The following ZDHHC21 variants were observed in gnomAD, a reference collection of about 807,000 sequenced individuals.
ZDHHC21 encodes zDHHC palmitoyltransferase 21, also known as palmitoyltransferase ZDHHC21.
In ZDHHC21, 15 loss-of-function variants were observed where a neutral mutation model predicts 34.6. The ratio of observed to expected loss-of-function variants is 0.43; its 90% CI spans 0.29 to 0.67. The LOEUF (loss-of-function observed/expected upper bound fraction) is 0.67. ZDHHC21 is among the 30% of genes least tolerant of loss of function. ZDHHC21 has a pLI of 0.14. For missense variants in ZDHHC21, 344 were observed against 327.7 expected (o/e 1.05, Z -0.38); for synonymous variants, 142 against 101.8 (o/e 1.40, Z -2.38).
At chr9:14,601,501 T>C in the ZDHHC21 span, among the ~76,000 whole-genome samples, 1 of 152,136 alleles carries the variant, frequency 6.6e-6, no homozygotes, top group African/African-American at 2.4e-5. Flanking sequence ...AAACAACAGA[T>C]GCTGGAGAGG....
At chr9:14,664,316 C>T (rs1336600387) in intron 5 of ZDHHC21, among the ~76,000 whole-genome samples, 2 of 152,232 alleles carry the variant, frequency 1.3e-5, no homozygotes, top group African/African-American at 2.4e-5. Context: ...TAAGAAACGG[C>T]GCACCACGAG....
chr9:14,623,016 A>C (rs1242535453), intron 8 of ZDHHC21, among the ~76,000 whole-genome samples: 1 of 152,088 alleles, frequency 6.6e-6, no homozygotes, highest in African/African-American at 2.4e-5. Context: ...CTATACACAC[A>C]ATCTACTCAA....
the ZDHHC21 span, among the ~76,000 whole-genome samples, chr9:14,600,327 T>C: frequency 2.0e-5 from 3 of 152,112 alleles, no homozygotes; most frequent in African/African-American, 7.2e-5. Context: ...ACAAAATCAA[T>C]GCGCAAAAGT....
At chr9:14,637,059 G>A (rs1157581837) in intron 8 of ZDHHC21, among the ~76,000 whole-genome samples, 2 of 151,828 alleles carry the variant, frequency 1.3e-5, no homozygotes, top group Non-Finnish European at 2.9e-5. Context: ...AAGACCAGAT[G>A]AGACGTAAAA....
intron 7 of ZDHHC21, among the ~76,000 whole-genome samples, chr9:14,645,387 C>G (rs1306719372): frequency 6.6e-6 from 1 of 151,974 alleles, no homozygotes; most frequent in Non-Finnish European, 1.5e-5. Flanking sequence ...GGTGCTAAAT[C>G]AATTGACTAT....
intron 8 of ZDHHC21, among the ~76,000 whole-genome samples, chr9:14,633,066 C>T (rs184275870): frequency 1.3e-5 from 2 of 152,082 alleles, no homozygotes; most frequent in African/African-American, 4.8e-5. Context: ...CTATATACCC[C>T]AAAGAAATGA....
intron 5 of ZDHHC21, 59 bp downstream of exon 5, chr9:14,672,770 TA>T: frequency 8.7e-7 from 1 of 1,146,686 alleles, no homozygotes; most frequent in South Asian, 1.5e-5. Flanking sequence ...GGCAATAAAA[TA>T]TGTAAATAAA....
the ZDHHC21 span, among the ~76,000 whole-genome samples, chr9:14,602,285 T>C: frequency 6.6e-6 from 1 of 152,178 alleles, no homozygotes; most frequent in East Asian, 1.9e-4. Flanking sequence ...ACAGGTCATT[T>C]GAAATAATTC....
chr9:14,684,436 T>G (rs1441015808), intron 2 of ZDHHC21, among the ~76,000 whole-genome samples: 9 of 145,314 alleles, frequency 6.2e-5, no homozygotes, highest in South Asian at 2.3e-4. Context: ...AAATCATGAG[T>G]GAACTCCCAT....
the ZDHHC21 span, among the ~76,000 whole-genome samples, chr9:14,605,980 A>T: frequency 6.6e-6 from 1 of 152,140 alleles, no homozygotes; most frequent in Non-Finnish European, 1.5e-5. Flanking sequence ...CATAATAGTT[A>T]AAAAAACAAA....
At chr9:14,670,689 T>G (rs749402052) in intron 5 of ZDHHC21, among the ~76,000 whole-genome samples, 1 of 152,110 alleles carries the variant, frequency 6.6e-6, no homozygotes, top group Non-Finnish European at 1.5e-5. Flanking sequence ...AGATATTACA[T>G]AAGTATCTAA....
chr9:14,672,181 T>A (rs1430236535), intron 5 of ZDHHC21, among the ~76,000 whole-genome samples: 2 of 152,102 alleles, frequency 1.3e-5, no homozygotes, highest in African/African-American at 4.8e-5. Flanking sequence ...CACCAAAGTA[T>A]TAGGACTTCA....
intron 7 of ZDHHC21, among the ~76,000 whole-genome samples, chr9:14,649,797 T>C (rs1830902332): frequency 6.6e-6 from 1 of 152,124 alleles, no homozygotes; most frequent in South Asian, 2.1e-4. Flanking sequence ...AATTATTTTG[T>C]CTGCCTGACC....
At position 14,617,625 on chromosome 9, in the gene ZDHHC21, G is replaced by A. The variant is rs1224300505; in HGVS notation, c.*1341C>T. 1.3e-5 allele frequency: 2 copies of A among 151,862 alleles called. No individual in the cohort carries two copies. Among genetic ancestry groups the A allele is most frequent in the East Asian group, 1.9e-4 (1 of 5,172 alleles). 9.4% of individuals were successfully genotyped at this position (151,862 alleles called of 1,614,324 possible). Reference sequence around the variant, plus strand: ...TTTTTTAAAAAGATATATGGGTTTTGCAGTATTCTAATGGAAAAAAACTAA... The same window carrying A: ...TTTTTTAAAAAGATATATGGGTTTTACAGTATTCTAATGGAAAAAAACTAA... On this transcript the variant is annotated 3_prime_UTR_variant, in exon 10 of 10. Coordinates refer to ENST00000380916, the MANE Select transcript of ZDHHC21 (RefSeq NM_178566.6).
intron 8 of ZDHHC21, among the ~76,000 whole-genome samples, chr9:14,636,227 T>C (rs1213462783): frequency 6.6e-6 from 1 of 152,166 alleles, no homozygotes; most frequent in East Asian, 1.9e-4. Flanking sequence ...GAAAAAGATA[T>C]TCCAAGCAAA....
In ZDHHC21 at chr9:14,674,400, C is replaced by G; in HGVS notation, c.-45-15G>C. 1 of 1,483,570 alleles carries G rather than the reference C, an allele frequency of 6.7e-7. No individual in the cohort carries two copies. Among genetic ancestry groups the G allele is most frequent in the Non-Finnish European group, 9.0e-7 (1 of 1,113,840 alleles). The allele number at this position is 1,483,570 out of a possible 1,614,324, so 91.9% of individuals were successfully genotyped here. On this transcript the variant is annotated splice_polypyrimidine_tract_variant and intron_variant, in intron 3 of 9. Coordinates refer to ENST00000380916, the MANE Select transcript of ZDHHC21 (RefSeq NM_178566.6). Reference sequence around the variant, plus strand: ...GAAGGATGATCCTAAGGAGAAGGAACAAAGAAAATAATTACTTACATAGAA... The same window carrying G: ...GAAGGATGATCCTAAGGAGAAGGAAGAAAGAAAATAATTACTTACATAGAA...
At chr9:14,628,751 T>A (rs1826769392) in intron 8 of ZDHHC21, among the ~76,000 whole-genome samples, 1 of 152,174 alleles carries the variant, frequency 6.6e-6, no homozygotes, top group Non-Finnish European at 1.5e-5. Flanking sequence ...TAATCTTAAT[T>A]TTATCACAAA....
At chr9:14,681,680 T>A (rs537660234) in intron 2 of ZDHHC21, among the ~76,000 whole-genome samples, 1 of 151,726 alleles carries the variant, frequency 6.6e-6, no homozygotes, top group Non-Finnish European at 1.5e-5. Flanking sequence ...TGAGAAATGA[T>A]GAGGGCACAT....
At chr9:14,605,329 A>C in the ZDHHC21 span, among the ~76,000 whole-genome samples, 1 of 152,030 alleles carries the variant, frequency 6.6e-6, no homozygotes, top group African/African-American at 2.4e-5. Context: ...GTAACAGTAC[A>C]TAAGGGTTCC....
Sources: gnomAD v4.1 joint callset for allele counts (sites outside exome capture counted in the v4.1 genomes callset) on GRCh38, gnomAD v4.1.1 for gene constraint, MANE v1.5 for transcripts, NCBI Gene and HGNC (gene_info 2026-07-23, HGNC 2026-07-21) for gene names.